Variants in RNF38 observed in about 807,000 individuals in gnomAD.
RNF38 encodes the protein E3 ubiquitin-protein ligase RNF38.
A neutral mutation model predicts 67.2 loss-of-function variants in RNF38; 15 were observed. The ratio of observed to expected loss-of-function variants is 0.22; its 90% CI spans 0.15 to 0.34. The LOEUF (loss-of-function observed/expected upper bound fraction) is 0.34. Among genes scored for constraint, RNF38 ranks in the 10% least tolerant of loss-of-function variants. The probability of loss-of-function intolerance (pLI) is 1.00; values close to 1 mark genes in which losing one functional copy is unlikely to be tolerated. For synonymous variants in RNF38, 220 were observed against 218.8 expected (o/e 1.01, Z -0.05); for missense variants, 524 against 639.9 (o/e 0.82, Z 1.95).
At chr9:36,483,583 T>C (rs1243932180) in intron 1 of RNF38, among the ~76,000 whole-genome samples, 1 of 152,062 alleles carries the variant, frequency 6.6e-6, no homozygotes, top group East Asian at 1.9e-4. Flanking sequence ...CTAGCAAATT[T>C]TGGAGAAAGG....
At chr9:36,459,655 T>C (rs1292287155) in intron 1 of RNF38, among the ~76,000 whole-genome samples, 1 of 152,160 alleles carries the variant, frequency 6.6e-6, no homozygotes, top group African/African-American at 2.4e-5. Context: ...ACAGGCTACA[T>C]AAAATATTAA....
At chr9:36,415,754 G>T (rs1838448025) in intron 2 of RNF38, among the ~76,000 whole-genome samples, 1 of 152,306 alleles carries the variant, frequency 6.6e-6, no homozygotes, top group Non-Finnish European at 1.5e-5. Context: ...GTCCTTGGTA[G>T]TTTTGTTTAG....
chr9:36,357,602 A>C (rs1030233295), intron 5 of RNF38, among the ~76,000 whole-genome samples, 173 bp downstream of exon 5: 3 of 152,226 alleles, frequency 2.0e-5, no homozygotes, highest in Non-Finnish European at 4.4e-5. Context: ...TATTGCAATA[A>C]AATTGGCCTT....
At position 36,455,860 on chromosome 9, in the gene RNF38, G is replaced by A. The variant is rs144368888; in HGVS notation, n.242-31177C>T. Reference sequence around the variant, plus strand: ...TGGGGGGCGGAGGTTGCAGTGAGCCGAGACCACACCACTGCACTTCACCCT... The same window carrying A: ...TGGGGGGCGGAGGTTGCAGTGAGCCAAGACCACACCACTGCACTTCACCCT... On this transcript the variant is annotated intron_variant and non_coding_transcript_variant, in intron 1 of 3. Coordinates refer to the RNF38 transcript ENST00000488058. 5.5e-3 allele frequency among the ~76,000 whole-genome samples: 822 copies of A among 148,798 alleles called. 8 individuals carry two copies. Among genetic ancestry groups the A allele is most frequent in the African/African-American group, 0.019 (778 of 40,178 alleles).
At chr9:36,474,271 C>T (rs1384603940) in intron 1 of RNF38, among the ~76,000 whole-genome samples, 2 of 149,796 alleles carry the variant, frequency 1.3e-5, no homozygotes, top group African/African-American at 4.9e-5. Flanking sequence ...CAAGATCACG[C>T]CACTGCACTC....
At chr9:36,407,186 A>G (rs1222067251) in intron 2 of RNF38, among the ~76,000 whole-genome samples, 4 of 152,224 alleles carry the variant, frequency 2.6e-5, no homozygotes, top group Non-Finnish European at 4.4e-5. Flanking sequence ...GAAAAAGTTA[A>G]TTAGTAGCAG....
intron 2 of RNF38, among the ~76,000 whole-genome samples, chr9:36,415,653 A>G (rs1436012571): frequency 6.6e-6 from 1 of 152,158 alleles, no homozygotes; most frequent in African/African-American, 2.4e-5. Context: ...GTGTCTGCAA[A>G]GAGTCCTGTA....
At chr9:36,400,490 G>C, upstream of RNF38, 1 of 1,007,514 alleles carries the variant, frequency 9.9e-7, no homozygotes. Flanking sequence ...GGCCCCGCAG[G>C]CTCTCAACGG....
At chr9:36,484,180 T>C (rs1224721410) in intron 1 of RNF38, among the ~76,000 whole-genome samples, 1 of 152,202 alleles carries the variant, frequency 6.6e-6, no homozygotes, top group Non-Finnish European at 1.5e-5. Flanking sequence ...ACCTGATATA[T>C]CAGAATGTCC....
At chr9:36,389,405 TCCACAAATAC>T (rs1168756949) in intron 2 of RNF38, among the ~76,000 whole-genome samples, 1 of 152,002 alleles carries the variant, frequency 6.6e-6, no homozygotes, top group Non-Finnish European at 1.5e-5. Context: ...GTCCATTTCT[TCCACAAATAC>T]ATAGTAGACA....
chr9:36,431,128 C>A (rs1485727460), intron 1 of RNF38, among the ~76,000 whole-genome samples: 1 of 152,188 alleles, frequency 6.6e-6, no homozygotes, highest in Admixed American at 6.5e-5. Context: ...CCCAACACCC[C>A]TTCTTCTGAT....
chr9:36,422,775 C>T (rs1323754935), intron 2 of RNF38, among the ~76,000 whole-genome samples: 3 of 152,150 alleles, frequency 2.0e-5, no homozygotes, highest in Non-Finnish European at 4.4e-5. Context: ...CTTCTCTTCC[C>T]TTTTTTCCCC....
At chr9:36,414,926 G>C (rs1838423084) in intron 2 of RNF38, among the ~76,000 whole-genome samples, 1 of 152,176 alleles carries the variant, frequency 6.6e-6, no homozygotes, top group Non-Finnish European at 1.5e-5. Flanking sequence ...AAAACGTGCT[G>C]TTAATCTGAC....
intron 2 of RNF38, among the ~76,000 whole-genome samples, chr9:36,389,130 A>G (rs1004937977): frequency 6.6e-6 from 1 of 152,102 alleles, no homozygotes; most frequent in Non-Finnish European, 1.5e-5. Context: ...TCTAAGGTTC[A>G]AGGAAAATAA....
Position 36,369,879 on chromosome 9 carries a change from G to A in RNF38, c.410C>T (p.Ser137Phe). 6.2e-7 allele frequency: 1 copy of A among 1,613,582 alleles called. No individual in the cohort carries two copies. Among genetic ancestry groups the A allele is most frequent in the Non-Finnish European group, 8.5e-7 (1 of 1,180,022 alleles). ...GRRDRLSRHN[S>F]ISQDENYHHL... ...GTGATAGTTTTCATCTTGACTAATGGAATTATGTCGAGACAGACGATCCCT... is the reference window on the plus strand; with the variant it reads ...GTGATAGTTTTCATCTTGACTAATGAAATTATGTCGAGACAGACGATCCCT... The change falls in exon 4 of 12, where the codon TCC becomes TTC. Residue 137 changes from serine to phenylalanine, a missense_variant. Physicochemically the swap from Ser to Phe is radical, Grantham distance 155. This residue lies in a region of RNF38 where 461 missense variants were observed against 517.4 expected (regional missense o/e 0.89). Transcript: ENST00000259605.
Position 36,406,511 on chromosome 9 carries a change from C to T in RNF38, n.313-15895G>A, listed in dbSNP as rs558698842. Among the ~76,000 whole-genome samples the T allele has an allele frequency of 3.3e-5, 5 of 152,358 alleles. No individual in the cohort carries two copies. The East Asian group carries it at 9.6e-4, about 29-fold the overall frequency. ...CTGTGTGTTCTAAAATAGCATTAAT[C>T]ATTCTGCCTTCCAACTTTGTATTTA... is the stretch of plus-strand genomic sequence containing the variant. On this transcript the variant is annotated intron_variant and non_coding_transcript_variant, in intron 2 of 3. Transcript: ENST00000488058.
At chr9:36,379,439 TTC>T (rs1215270981) in intron 2 of RNF38, among the ~76,000 whole-genome samples, 1 of 152,140 alleles carries the variant, frequency 6.6e-6, no homozygotes, top group African/African-American at 2.4e-5. Context: ...ATGCTAAAAG[TTC>T]TCTGAGGGAA....
intron 10 of RNF38, among the ~76,000 whole-genome samples, chr9:36,343,533 T>C (rs1379713871): frequency 2.0e-5 from 3 of 151,938 alleles, no homozygotes; most frequent in East Asian, 3.9e-4. Context: ...ATCAGGGAAA[T>C]GCAAATCAAA....
intron 1 of RNF38, among the ~76,000 whole-genome samples, chr9:36,460,840 T>C (rs984375082): frequency 1.8e-4 from 25 of 139,990 alleles, no homozygotes; most frequent in Admixed American, 1.4e-3. Context: ...CGAGCCGAGA[T>C]TGCACCATTG....
Sources: gnomAD v4.1 joint callset for allele counts (sites outside exome capture counted in the v4.1 genomes callset) on GRCh38, gnomAD v4.1.1 for gene constraint, gnomAD v4.1.1 regional missense constraint, MANE v1.5 for transcripts, NCBI Gene and HGNC (gene_info 2026-07-23, HGNC 2026-07-21) for gene names.